Variants in GLB1L3 observed in about 807,000 individuals in gnomAD.
GLB1L3 encodes the protein beta-galactosidase-1-like protein 3.
In GLB1L3, 89 loss-of-function variants were observed where a neutral mutation model predicts 89.5. That is an observed-to-expected ratio of 0.99 (90% confidence interval 0.84 to 1.19). GLB1L3 has a LOEUF of 1.19. GLB1L3 is among the 50% of genes most tolerant of loss of function. GLB1L3 has a pLI of 0.00. For synonymous variants in GLB1L3, 314 were observed against 312.3 expected, an observed-to-expected ratio of 1.01 and a Z score of -0.06; for missense variants, 812 against 813.3, an observed-to-expected ratio of 1.00 and a Z score of 0.02.
rs183636109 is a variant in GLB1L3, at chr11:134,286,946, G to A, written c.637-1852G>A. Among the ~76,000 whole-genome samples, 846 of 150,548 alleles carry A rather than the reference G, an allele frequency of 5.6e-3. 3 individuals carry two copies. The highest frequency in any genetic ancestry group is 9.1e-3 in the Non-Finnish European group (618 of 67,686). ...GAGGCCGAGGTGGGTGGATCACGAG[G>A]TCAGGAGATCAAGACCATCCTGGCT... is the stretch of plus-strand genomic sequence containing the variant. On this transcript the variant is annotated intron_variant, in intron 6 of 19. Transcript: ENST00000431683.
At chr11:134,307,500 G>A (rs913935402) in intron 10 of GLB1L3, among the ~76,000 whole-genome samples, 1 of 152,222 alleles carries the variant, frequency 6.6e-6, no homozygotes, top group African/African-American at 2.4e-5. Flanking sequence ...ACAGGGTGCA[G>A]TGATAGAAAA....
intron 18 of GLB1L3, chr11:134,317,037 GC>G: frequency 6.6e-6 from 1 of 152,482 alleles, no homozygotes; most frequent in Non-Finnish European, 1.5e-5. Flanking sequence ...CCAGAAAGCT[GC>G]AGGCCACTCT....
chr11:134,305,245 G>A, intron 9 of GLB1L3: 1 of 751,828 alleles, frequency 1.3e-6, no homozygotes, highest in Non-Finnish European at 2.4e-6. Flanking sequence ...ATTATGTAAA[G>A]TGCATTCCCT....
Position 134,313,953 on chromosome 11 carries a change from C to T in GLB1L3, c.1592C>T (p.Ser531Phe). The T allele has an allele frequency of 6.2e-7, 1 of 1,609,766 alleles. No homozygotes were observed. ...IQNEQKGITG[S>F]VSINNSSLEG... ...TCTGCATCTGCAGGAATAACTGGATCTGTCAGCATCAATAACTCTTCCCTG... is the reference window on the plus strand; with the variant it reads ...TCTGCATCTGCAGGAATAACTGGATTTGTCAGCATCAATAACTCTTCCCTG... Residue 531 changes from serine (S) to phenylalanine (F), a missense_variant, in exon 17 of 20, where the codon TCT (serine) becomes TTT (phenylalanine). By Grantham distance (155) the Ser-to-Phe change is radical (BLOSUM62 -2). Transcript: ENST00000431683.
rs1318861859 is a variant in GLB1L3, at chr11:134,282,049, G to A, written c.456G>A (p.Glu152=). ...DLEAFVLMAA[E]IGLWVILRPG... ...GGGCCTTCGTCCTGATGGCCGCAGAGATCGGGCTGTGGGTGATTCTGCGTC... is the reference window on the plus strand; with the variant it reads ...GGGCCTTCGTCCTGATGGCCGCAGAAATCGGGCTGTGGGTGATTCTGCGTC... Residue 152 remains glutamate, a synonymous_variant, in exon 5 of 20, where the codon GAG becomes GAA. Transcript: ENST00000431683. The A allele has an allele frequency of 1.1e-5, 17 of 1,571,288 alleles. No homozygotes were observed. In the Admixed American group the frequency reaches 3.0e-4, roughly 28 times the overall value.
At chr11:134,324,760 A>G in the GLB1L3 span, among the ~76,000 whole-genome samples, 8 of 152,250 alleles carry the variant, frequency 5.3e-5, no homozygotes, top group South Asian at 8.3e-4. Flanking sequence ...ATAACAATAA[A>G]TTTGGTATAA....
chr11:134,303,432 T>G (rs1942041899), intron 9 of GLB1L3, among the ~76,000 whole-genome samples: 1 of 152,220 alleles, frequency 6.6e-6, no homozygotes, highest in African/African-American at 2.4e-5. Flanking sequence ...AATCTTGGCT[T>G]CTTTTTATGG....
At chr11:134,280,809 G>A (rs1162365955) in intron 3 of GLB1L3, among the ~76,000 whole-genome samples, 1 of 151,802 alleles carries the variant, frequency 6.6e-6, no homozygotes, top group Non-Finnish European at 1.5e-5. Flanking sequence ...GATGTTAAGG[G>A]GCATAACACT....
At chr11:134,277,474 TG>T in intron 2 of GLB1L3, 23 bp downstream of exon 2, 8 of 1,606,560 alleles carry the variant, frequency 5.0e-6, no homozygotes, top group Non-Finnish European at 6.0e-6. Context: ...GCTACATCCC[TG>T]GGGAGGGAGG....
intron 10 of GLB1L3, among the ~76,000 whole-genome samples, chr11:134,308,250 CCAT>C (rs1942353343): frequency 1.1e-4 from 4 of 37,798 alleles, no homozygotes; most frequent in South Asian, 1.1e-3. Context: ...ACCATCACCA[CCAT>C]CACCACCACC....
intron 9 of GLB1L3, among the ~76,000 whole-genome samples, chr11:134,296,943 A>T (rs1941687795): frequency 6.6e-6 from 1 of 151,962 alleles, no homozygotes; most frequent in Non-Finnish European, 1.5e-5. Context: ...CTAATTGATG[A>T]TATTGGCCAA....
At chr11:134,316,997 C>G (rs752573190) in intron 18 of GLB1L3, 2 of 152,176 alleles carry the variant, frequency 1.3e-5, no homozygotes, top group African/African-American at 2.4e-5. Flanking sequence ...AGTATTCAAC[C>G]TGAGGCACTG....
chr11:134,283,858 T>C lies in GLB1L3; in HGVS notation c.636+13T>C. On this transcript the variant is annotated intron_variant, in intron 6 of 19. Coordinates refer to ENST00000431683, the MANE Select transcript of GLB1L3 (RefSeq NM_001080407.3). The stretch of plus-strand genomic sequence containing the variant: ...GATTCCTCTCCAGGTAAAGCCAAAT[T>C]GTCCCCTGCATCTTTCTTACGTGCC... 6.8e-7 allele frequency: 1 copy of C among 1,478,790 alleles called. No homozygotes were observed. Among genetic ancestry groups the C allele is most frequent in the Non-Finnish European group, 9.4e-7 (1 of 1,058,922 alleles). 91.6% of individuals were successfully genotyped at this position (1,478,790 alleles called of 1,614,324 possible).
At chr11:134,284,924 CTTTTT>C (rs536491197) in intron 6 of GLB1L3, among the ~76,000 whole-genome samples, 7 of 73,990 alleles carry the variant, frequency 9.5e-5, no homozygotes, top group Non-Finnish European at 8.0e-5. Context: ...CATGCATTGC[CTTTTT>C]TTTTTTTTTT....
intron 9 of GLB1L3, among the ~76,000 whole-genome samples, chr11:134,299,928 C>T (rs557732428): frequency 4.0e-4 from 61 of 152,222 alleles, no homozygotes; most frequent in African/African-American, 1.4e-3. Flanking sequence ...GTTAAGATGT[C>T]CTTAAGTGAC....
rs1445192401 is a variant in GLB1L3 at position 134,288,644 on chromosome 11, C to CT, written c.637-153dup. 5.9e-5 allele frequency among the ~76,000 whole-genome samples: 9 copies of CT among 152,150 alleles called. No homozygotes were observed. In the East Asian group the frequency reaches 1.2e-3, roughly 20 times the overall value. Reference sequence around the variant, plus strand: ...CAGCAGCCAAGTGACCCAGCAGACTCTAACTCCAGCGCTGGAGCAGAGCGT... The same window carrying CT: ...CAGCAGCCAAGTGACCCAGCAGACTCTTAACTCCAGCGCTGGAGCAGAGCGT... On this transcript the variant is annotated intron_variant, in intron 6 of 19. Transcript: ENST00000431683.
chr11:134,324,841 A>G, the GLB1L3 span, among the ~76,000 whole-genome samples: 2 of 152,004 alleles, frequency 1.3e-5, no homozygotes, highest in African/African-American at 4.8e-5. Flanking sequence ...CAATTCTAAA[A>G]TGATAAAAAT....
At position 134,310,617 on chromosome 11, in the gene GLB1L3, T is replaced by C. The variant is rs759649908; in HGVS notation, c.1146T>C (p.Tyr382=). 4.3e-6 allele frequency: 7 copies of C among 1,613,578 alleles called. No individual in the cohort carries two copies. The South Asian group carries it at 4.4e-5, about 10-fold the overall frequency. Residue 382 remains tyrosine, a synonymous_variant, in exon 12 of 20, where the codon TAT becomes TAC. Transcript: ENST00000431683. ...AGGCTGGAGATTACACAGAAAAATA[T>C]CTGAAGCTTCAAAAACTCTTTCAAT... The part of the protein sequence containing the change: ...LTEAGDYTEK[Y]LKLQKLFQSV...
chr11:134,308,222 A>C, intron 10 of GLB1L3, among the ~76,000 whole-genome samples: 1 of 23,440 alleles, frequency 4.3e-5, no homozygotes, highest in Non-Finnish European at 8.9e-5. Flanking sequence ...CACCATCACC[A>C]TCACCACCAC....
Sources: gnomAD v4.1 joint callset for allele counts (sites outside exome capture counted in the v4.1 genomes callset) on GRCh38, gnomAD v4.1.1 for gene constraint, MANE v1.5 for transcripts, NCBI Gene and HGNC (gene_info 2026-07-23, HGNC 2026-07-21) for gene names.